The following PRRX1 variants were observed in gnomAD, a reference collection of about 807,000 sequenced individuals.
PRRX1 encodes the protein paired related homeobox 1, also known as paired mesoderm homeobox protein 1.
PRRX1 carries 8 observed loss-of-function variants against 24.0 expected under a neutral mutation model. That is an observed-to-expected ratio of 0.33 (90% CI 0.20 to 0.60). PRRX1 has a LOEUF of 0.60. Ranked by LOEUF, PRRX1 falls within the 20% of genes least tolerant of loss-of-function variation. The pLI, the probability that PRRX1 is intolerant of heterozygous loss-of-function variation, is 0.82. For synonymous variants in PRRX1, 160 were observed against 131.7 expected, an observed-to-expected ratio of 1.22 and a Z score of -1.47; for missense variants, 281 against 322.4, an observed-to-expected ratio of 0.87 and a Z score of 0.98.
At chr1:170,664,497 G>A (rs1252450241) in intron 1 of PRRX1, 38 bp downstream of exon 1, 1 of 1,571,124 alleles carries the variant, frequency 6.4e-7, no homozygotes. Flanking sequence ...GTGTGTGCCC[G>A]GGACAGAGGG....
At chr1:170,689,839 CCTCTCT>C (rs71559512) in intron 1 of PRRX1, among the ~76,000 whole-genome samples, 3,199 of 91,554 alleles carry the variant, frequency 0.035, 44 homozygotes, top group East Asian at 0.059. Flanking sequence ...TCTCTCTCTC[CCTCTCT>C]CTCTCTCTCT....
At chr1:170,726,160 CCTT>C in intron 2 of PRRX1, 57 bp from the exon 3 acceptor site, 2 of 1,491,458 alleles carry the variant, frequency 1.3e-6, no homozygotes. Context: ...TCATGTAACC[CCTT>C]CTTCTTTGTT....
At chr1:170,714,068 CA>C (rs1389007484) in intron 1 of PRRX1, among the ~76,000 whole-genome samples, 1 of 152,156 alleles carries the variant, frequency 6.6e-6, no homozygotes, top group Non-Finnish European at 1.5e-5. Context: ...TATATTGCAA[CA>C]ATCTTCCCAG....
upstream of PRRX1, chr1:170,662,862 G>A (rs565884655): frequency 2.6e-5 from 4 of 152,170 alleles, no homozygotes; most frequent in African/African-American, 9.6e-5. Context: ...TTTCCAACAG[G>A]ATCTTAAACA....
chr1:170,689,839 CCTCT>C (rs71559512), intron 1 of PRRX1, among the ~76,000 whole-genome samples: 3,327 of 91,436 alleles, frequency 0.036, 99 homozygotes, highest in African/African-American at 0.095. Flanking sequence ...TCTCTCTCTC[CCTCT>C]CTCTCTCTCT....
chr1:170,664,522 G>A (rs1368256376), intron 1 of PRRX1, 63 bp downstream of exon 1: 1 of 1,540,574 alleles, frequency 6.5e-7, no homozygotes, highest in Non-Finnish European at 8.8e-7. Context: ...GACCCGTGTA[G>A]GGCAGCTAGA....
At chr1:170,671,322 T>G (rs918628682) in intron 1 of PRRX1, among the ~76,000 whole-genome samples, 9 of 152,220 alleles carry the variant, frequency 5.9e-5, no homozygotes, top group African/African-American at 2.2e-4. Flanking sequence ...AGTAATTAAC[T>G]GAATGAAGAA....
At chr1:170,724,081 T>C (rs1355055587) in intron 2 of PRRX1, among the ~76,000 whole-genome samples, 2 of 152,198 alleles carry the variant, frequency 1.3e-5, no homozygotes, top group Non-Finnish European at 2.9e-5. Flanking sequence ...TATAAGTTCC[T>C]AGCCCTGGTA....
chr1:170,684,099 C>T (rs1248994794), intron 1 of PRRX1, among the ~76,000 whole-genome samples: 1 of 152,182 alleles, frequency 6.6e-6, no homozygotes, highest in Non-Finnish European at 1.5e-5. Flanking sequence ...TCACATAGTT[C>T]ATATTCAGCA....
intron 1 of PRRX1, among the ~76,000 whole-genome samples, chr1:170,680,077 C>T (rs1653458859): frequency 6.6e-6 from 1 of 152,180 alleles, no homozygotes; most frequent in African/African-American, 2.4e-5. Flanking sequence ...ATTTATTCCA[C>T]TAGTAGTTTT....
At chr1:170,682,087 A>AAATGT (rs1653565952) in intron 1 of PRRX1, among the ~76,000 whole-genome samples, 2 of 152,220 alleles carry the variant, frequency 1.3e-5, no homozygotes, top group South Asian at 4.1e-4. Flanking sequence ...ACTGTAGTGT[A>AAATGT]AATGGAAGCA....
At chr1:170,676,270 CT>C (rs1457427814) in intron 1 of PRRX1, among the ~76,000 whole-genome samples, 1 of 151,964 alleles carries the variant, frequency 6.6e-6, no homozygotes, top group Non-Finnish European at 1.5e-5. Context: ...GAAATTTTTC[CT>C]GGTATGATCG....
chr1:170,727,442 C>T (rs1383230597), intron 3 of PRRX1: 1 of 152,080 alleles, frequency 6.6e-6, no homozygotes, highest in Non-Finnish European at 1.5e-5. Context: ...ATTTATTATG[C>T]TTTTGTTTAC....
At chr1:170,677,436 G>T (rs1392658901) in intron 1 of PRRX1, among the ~76,000 whole-genome samples, 9 of 152,190 alleles carry the variant, frequency 5.9e-5, no homozygotes, top group African/African-American at 2.2e-4. Context: ...ATGGTAGTAG[G>T]GTACTGGGCA....
intron 1 of PRRX1, among the ~76,000 whole-genome samples, chr1:170,684,760 C>CA (rs1031691898): frequency 2.0e-5 from 3 of 151,958 alleles, no homozygotes; most frequent in Non-Finnish European, 2.9e-5. Context: ...CTCACACACA[C>CA]AAAAAAAGAT....
At chr1:170,676,107 A>G (rs1270452599) in intron 1 of PRRX1, among the ~76,000 whole-genome samples, 2 of 152,186 alleles carry the variant, frequency 1.3e-5, no homozygotes, top group Non-Finnish European at 2.9e-5. Flanking sequence ...CATTTAAGAA[A>G]TAAAATATAA....
intron 1 of PRRX1, among the ~76,000 whole-genome samples, chr1:170,675,070 T>A (rs1036824903): frequency 6.6e-6 from 1 of 152,206 alleles, no homozygotes; most frequent in Non-Finnish European, 1.5e-5. Flanking sequence ...CTTGCTCTGA[T>A]CAGAAAAATT....
At chr1:170,702,400 G>A (rs61817384) in intron 1 of PRRX1, among the ~76,000 whole-genome samples, 33,534 of 151,984 alleles carry the variant, frequency 0.22, 4,491 homozygotes, top group Middle Eastern at 0.36. Flanking sequence ...ACCCTTTCAA[G>A]CCTCTAATAA....
intron 1 of PRRX1, among the ~76,000 whole-genome samples, chr1:170,712,640 A>G (rs1414013665): frequency 1.3e-5 from 2 of 152,178 alleles, no homozygotes; most frequent in Non-Finnish European, 1.5e-5. Flanking sequence ...GTGTCAGCCT[A>G]TGTGCCTTTT....
Sources: allele counts gnomAD v4.1 joint callset (sites outside exome capture counted in the v4.1 genomes callset), GRCh38; gene constraint gnomAD v4.1.1; transcripts MANE v1.5; gene names NCBI Gene and HGNC (gene_info 2026-07-23, HGNC 2026-07-21).